CELF2: variants seen among roughly 807,000 people sequenced by gnomAD.
CELF2 encodes CUG triplet repeat RNA-binding protein 2.
CELF2 carries 8 observed loss-of-function variants against 62.6 expected under a neutral mutation model. The observed-to-expected ratio is 0.13, with a 90% CI of 0.07 to 0.23. CELF2 has a LOEUF of 0.23. Ranked by LOEUF, CELF2 falls within the 10% of genes least tolerant of loss-of-function variation. CELF2 has a pLI of 1.00. For missense variants in CELF2, 333 were observed against 671.0 expected, an observed-to-expected ratio of 0.50 and a Z score of 5.56; for synonymous variants, 258 against 250.0, an observed-to-expected ratio of 1.03 and a Z score of -0.30.
chr10:11,150,177 A>G (rs2063061872), intron 1 of CELF2, among the ~76,000 whole-genome samples: 1 of 152,210 alleles, frequency 6.6e-6, no homozygotes, highest in African/African-American at 2.4e-5. Context: ...TTTTCCCTAA[A>G]TCAGTCATCT....
intron 1 of CELF2, among the ~76,000 whole-genome samples, chr10:11,061,211 G>C (rs1266065468): frequency 1.3e-5 from 2 of 152,224 alleles, no homozygotes; most frequent in Non-Finnish European, 2.9e-5. Flanking sequence ...GTGATAAAGT[G>C]AAATAGACTT....
At position 11,195,517 on chromosome 10, in the gene CELF2, G is replaced by A. The variant is rs2057230545; in HGVS notation, c.272-21908G>A. 1.3e-5 allele frequency among the ~76,000 whole-genome samples: 2 copies of A among 152,224 alleles called. 1 individual carries two copies. Among genetic ancestry groups the A allele is most frequent in the South Asian group, 4.1e-4 (2 of 4,834 alleles). ...CGGATGGCAGTGCTTCTTGTAGAAA[G>A]CAATGTCACTAAGGCAGTGTCACTA... On this transcript the variant is annotated intron_variant, in intron 2 of 12. Transcript: ENST00000633077.
chr10:10,702,134 T>G, the CELF2 span, among the ~76,000 whole-genome samples: 1 of 152,194 alleles, frequency 6.6e-6, no homozygotes, highest in Non-Finnish European at 1.5e-5. Flanking sequence ...AAACTTATAT[T>G]CTATTTCATT....
the CELF2 span, among the ~76,000 whole-genome samples, chr10:10,574,430 A>G: frequency 6.6e-6 from 1 of 152,162 alleles, no homozygotes; most frequent in South Asian, 2.1e-4. Flanking sequence ...AAAAGCGAAG[A>G]ATAAAAAGCT....
At chr10:11,317,236 T>C (rs1374782909) in intron 10 of CELF2, 2 of 152,076 alleles carry the variant, frequency 1.3e-5, no homozygotes, top group Non-Finnish European at 2.9e-5. Context: ...ATATTTTCTG[T>C]GAAGTAGAGA....
intron 12 of CELF2, among the ~76,000 whole-genome samples, chr10:11,326,688 C>T (rs572850512): frequency 4.6e-5 from 7 of 152,298 alleles, no homozygotes; most frequent in Admixed American, 3.9e-4. Context: ...TTCCTTGTTT[C>T]ATTTTTCAAA....
intron 1 of CELF2, among the ~76,000 whole-genome samples, chr10:11,058,002 GAA>G (rs2140322658): frequency 7.9e-6 from 1 of 127,378 alleles, no homozygotes; most frequent in Admixed American, 8.1e-5. Context: ...TGCCTGAAAA[GAA>G]AAAAGAGGCT....
rs1477725473 is a variant in CELF2, at chr10:11,272,999, G to A, written c.778-2058G>A. Reference sequence around the variant, plus strand: ...ACCCAGCAAATCAAACCGAAATAAGGCCTTGCTATTACAGTGGGCAGTCCC... The same window carrying A: ...ACCCAGCAAATCAAACCGAAATAAGACCTTGCTATTACAGTGGGCAGTCCC... On this transcript the variant is annotated intron_variant, in intron 7 of 12. Coordinates refer to ENST00000633077, the MANE Select transcript of CELF2 (RefSeq NM_001326342.2). Among the ~76,000 whole-genome samples the A allele has an allele frequency of 1.4e-4, 22 of 152,238 alleles. 1 individual carries two copies. In the East Asian group the frequency reaches 4.0e-3, roughly 28 times the overall value.
At chr10:10,981,272 G>T (rs1386677102) in intron 2 of CELF2, among the ~76,000 whole-genome samples, 1 of 152,184 alleles carries the variant, frequency 6.6e-6, no homozygotes, top group African/African-American at 2.4e-5. Flanking sequence ...TTGTTGAAAG[G>T]CTGAGGAGGG....
chr10:10,638,230 A>G, the CELF2 span, among the ~76,000 whole-genome samples: 1 of 152,218 alleles, frequency 6.6e-6, no homozygotes, highest in Non-Finnish European at 1.5e-5. Flanking sequence ...AAAAAAATTC[A>G]TGGGTCCTTT....
At chr10:11,134,627 C>A (rs778048763) in intron 1 of CELF2, among the ~76,000 whole-genome samples, 5 of 152,186 alleles carry the variant, frequency 3.3e-5, no homozygotes, top group Non-Finnish European at 5.9e-5. Context: ...ACCGCTGTCT[C>A]CAGCACCTTG....
In CELF2 at chr10:11,156,343, C is replaced by T. The variant is rs1298845509; in HGVS notation, c.75-9143C>T. Among the ~76,000 whole-genome samples the T allele has an allele frequency of 1.3e-5, 2 of 152,116 alleles. No individual in the cohort carries two copies. Among genetic ancestry groups the T allele is most frequent in the East Asian group, 3.9e-4 (2 of 5,192 alleles). On this transcript the variant is annotated intron_variant, in intron 1 of 12. Transcript: ENST00000633077. This position sits in a 1 kb window ranked among gnomAD's most constrained non-coding sequence, Gnocchi z 4.3. The stretch of plus-strand genomic sequence containing the variant: ...TACTGCTTTGAAGACTTCTCGCGTG[C>T]CGTATTAAATCTATTCATTCAGTAA...
chr10:10,626,454 G>A, the CELF2 span, among the ~76,000 whole-genome samples: 7 of 152,018 alleles, frequency 4.6e-5, no homozygotes, highest in Admixed American at 2.6e-4. Flanking sequence ...TTTCCTAAAC[G>A]TGATTAACAG....
chr10:10,707,074 C>G, the CELF2 span, among the ~76,000 whole-genome samples: 29 of 152,326 alleles, frequency 1.9e-4, no homozygotes, highest in African/African-American at 6.7e-4. Flanking sequence ...ATGCTGAAGT[C>G]CTGAGCTCTG....
chr10:10,837,581 G>A (rs531303522), intron 1 of CELF2, among the ~76,000 whole-genome samples: 20 of 152,128 alleles, frequency 1.3e-4, no homozygotes, highest in Admixed American at 5.9e-4. Context: ...ATGAAGGTTA[G>A]ACTATAATGG....
chr10:11,253,838 TCATGTGTAAAAG>T (rs1478788230), intron 4 of CELF2, among the ~76,000 whole-genome samples: 2 of 152,226 alleles, frequency 1.3e-5, no homozygotes, highest in Admixed American at 1.3e-4. Context: ...GTGCAGCACT[TCATGTGTAAAAG>T]CATTTCCCTG....
chr10:11,075,064 T>A lies in CELF2; in HGVS notation c.74+56901T>A, dbSNP rs1027854800. On this transcript the variant is annotated intron_variant, in intron 1 of 12. Coordinates refer to ENST00000633077, the MANE Select transcript of CELF2 (RefSeq NM_001326342.2). The surrounding 1 kb of genome is among the most constrained non-coding windows in gnomAD (Gnocchi z 5.4). ...TTGAAAGATGCTTTCGATTCTCTTG[T>A]TTCCTCTTGTCACTATGGGAAAATG... The A allele has an allele frequency of 1.3e-5, 2 of 152,238 alleles. No homozygotes were observed. Among genetic ancestry groups the A allele is most frequent in the African/African-American group, 4.8e-5 (2 of 41,468 alleles). The allele number at this position is 152,238 out of a possible 1,614,324, so 9.4% of individuals were successfully genotyped here. A position where few individuals can be genotyped will look rare whatever the true frequency, so the allele number is the denominator to read the frequency against.
chr10:11,328,516 G>A lies in CELF2; in HGVS notation c.1439-410G>A, dbSNP rs2095872459. Among the ~76,000 whole-genome samples the A allele has an allele frequency of 1.3e-5, 2 of 152,166 alleles. No individual in the cohort carries two copies. Among genetic ancestry groups the A allele is most frequent in the Admixed American group, 1.3e-4 (2 of 15,278 alleles). On this transcript the variant is annotated intron_variant, in intron 12 of 12. Coordinates refer to ENST00000633077, the MANE Select transcript of CELF2 (RefSeq NM_001326342.2). This position sits in a 1 kb window ranked among gnomAD's most constrained non-coding sequence, Gnocchi z 6.4. ...GGCTGGGACACGTGAGCCCCTAGGGGCCCCCACAGCCCTGAAATATTTACA... is the reference window on the plus strand; with the variant it reads ...GGCTGGGACACGTGAGCCCCTAGGGACCCCCACAGCCCTGAAATATTTACA...
the CELF2 span, among the ~76,000 whole-genome samples, chr10:10,463,427 G>A: frequency 6.6e-6 from 1 of 152,128 alleles, no homozygotes; most frequent in South Asian, 2.1e-4. Flanking sequence ...ATGTGTGACC[G>A]TTGGCTATAA....
Sources: allele counts gnomAD v4.1 joint callset (sites outside exome capture counted in the v4.1 genomes callset), GRCh38; gene constraint gnomAD v4.1.1; non-coding constraint Gnocchi (gnomAD v3.1); transcripts MANE v1.5; gene names NCBI Gene and HGNC (gene_info 2026-07-23, HGNC 2026-07-21).